The following DLGAP3 variants were observed in gnomAD, a reference collection of about 807,000 sequenced individuals.
The protein encoded by DLGAP3 is disks large-associated protein 3.
In DLGAP3, 17 loss-of-function variants were observed where a neutral mutation model predicts 81.2. The ratio of observed to expected loss-of-function variants is 0.21; its 90% CI spans 0.14 to 0.31. The LOEUF is 0.31. DLGAP3 is among the 10% of genes least tolerant of loss of function. The pLI, the probability that DLGAP3 is intolerant of heterozygous loss-of-function variation, is 1.00. For missense variants in DLGAP3, 1,124 were observed against 1,388.0 expected, an observed-to-expected ratio of 0.81 and a Z score of 3.02; for synonymous variants, 577 against 587.4, an observed-to-expected ratio of 0.98 and a Z score of 0.26.
intron 8 of DLGAP3, among the ~76,000 whole-genome samples, chr1:34,880,342 G>T (rs1305585120): frequency 6.6e-6 from 1 of 152,056 alleles, no homozygotes; most frequent in Non-Finnish European, 1.5e-5. Flanking sequence ...TGAGTTACTA[G>T]GTCTAGCCTA....
At chr1:34,896,739 C>T (rs1639386130) in intron 5 of DLGAP3, among the ~76,000 whole-genome samples, 1 of 151,986 alleles carries the variant, frequency 6.6e-6, no homozygotes, top group Admixed American at 6.6e-5. Flanking sequence ...GAATAAAATA[C>T]AATATATAAC....
Position 34,899,609 on chromosome 1 carries a change from G to A in DLGAP3, c.1386+60C>T, listed in dbSNP as rs1224370835. On this transcript the variant is annotated intron_variant, in intron 5 of 11. Coordinates refer to ENST00000373347, the MANE Select transcript of DLGAP3 (RefSeq NM_001080418.3). ...ACCCTCTGATTTTAAGTCCTAAGCT[G>A]AGCATGGGACTGAATCCCTTTTTCA... is the stretch of plus-strand genomic sequence containing the variant. The A allele has an allele frequency of 5.0e-6, 7 of 1,399,648 alleles. No individual in the cohort carries two copies. In the African/African-American group the frequency reaches 5.6e-5, roughly 11 times the overall value. 86.7% of individuals were successfully genotyped at this position (1,399,648 alleles called of 1,614,324 possible).
At chr1:34,922,557 T>TACACA (rs1557507140) in intron 1 of DLGAP3, among the ~76,000 whole-genome samples, 1 of 152,054 alleles carries the variant, frequency 6.6e-6, no homozygotes, top group Non-Finnish European at 1.5e-5. Context: ...CACACATTGG[T>TACACA]TTAATTCAGT....
At chr1:34,894,819 A>G (rs901872061) in intron 5 of DLGAP3, among the ~76,000 whole-genome samples, 1 of 152,202 alleles carries the variant, frequency 6.6e-6, no homozygotes, top group African/African-American at 2.4e-5. Context: ...AGAGCTAATA[A>G]TATAAAAAGT....
intron 1 of DLGAP3, among the ~76,000 whole-genome samples, chr1:34,917,556 A>T (rs2148418864): frequency 6.6e-6 from 1 of 151,790 alleles, no homozygotes; most frequent in East Asian, 1.9e-4. Context: ...ATGTTGCCCC[A>T]GCTGGTCTTG....
intron 1 of DLGAP3, among the ~76,000 whole-genome samples, chr1:34,922,954 G>C (rs923105370): frequency 1.3e-5 from 2 of 151,616 alleles, no homozygotes; most frequent in Non-Finnish European, 2.9e-5. Flanking sequence ...GGAAAAAATC[G>C]TCATTTTTTT....
intron 1 of DLGAP3, among the ~76,000 whole-genome samples, chr1:34,918,590 A>T (rs907735909): frequency 1.3e-5 from 2 of 152,178 alleles, no homozygotes; most frequent in Non-Finnish European, 2.9e-5. Context: ...AACAGGCCCC[A>T]GTCCGATTGG....
In DLGAP3 at chr1:34,885,783, A is replaced by T; in HGVS notation, c.1609T>A (p.Phe537Ile). Residue 537 changes from phenylalanine to isoleucine, a missense_variant, in exon 7 of 12, where the codon TTC becomes ATC. Physicochemically the swap from Phe to Ile is conservative, Grantham distance 21 (BLOSUM62 0). Around this residue, in one of 9 missense-constraint regions of DLGAP3, gnomAD observed 379 missense variants for 455.7 expected, o/e 0.83. Transcript: ENST00000373347. ...GGGATGGGGGGCGGGGCCTTTCTGA[A>T]GTTGAAGGCTGTGGCCGGCGAGCGC... ...VSGRPGSSFNFRKAPPPIPPG... is the reference protein window; with the variant it reads ...VSGRPGSSFNIRKAPPPIPPG... The T allele has an allele frequency of 7.1e-7, 1 of 1,401,790 alleles. No homozygotes were observed. The highest frequency in any genetic ancestry group is 9.2e-7 in the Non-Finnish European group (1 of 1,085,334). 86.8% of individuals were successfully genotyped at this position (1,401,790 alleles called of 1,614,324 possible). A position where few individuals can be genotyped will look rare whatever the true frequency, so the allele number is the denominator to read the frequency against.
At chr1:34,918,525 T>C (rs1347151396) in intron 1 of DLGAP3, among the ~76,000 whole-genome samples, 1 of 152,156 alleles carries the variant, frequency 6.6e-6, no homozygotes, top group Admixed American at 6.5e-5. Context: ...ACGTGGCTAA[T>C]AGGCTGAGGA....
intron 5 of DLGAP3, among the ~76,000 whole-genome samples, chr1:34,887,459 G>C (rs183669933): frequency 1.3e-3 from 192 of 152,148 alleles, no homozygotes; most frequent in African/African-American, 4.5e-3. Flanking sequence ...AATTTTGTTG[G>C]TGGAACTGTG....
chr1:34,901,659 A>G (rs1021546930), intron 3 of DLGAP3, among the ~76,000 whole-genome samples: 12 of 152,356 alleles, frequency 7.9e-5, no homozygotes, highest in South Asian at 4.1e-4. Flanking sequence ...CAATTATTAT[A>G]GGCACTGAAA....
At chr1:34,887,177 G>A (rs372401547) in intron 5 of DLGAP3, among the ~76,000 whole-genome samples, 1 of 151,724 alleles carries the variant, frequency 6.6e-6, no homozygotes, top group Non-Finnish European at 1.5e-5. Context: ...GGATGGTCTC[G>A]ATCTCCTGAC....
Position 34,928,089 on chromosome 1 carries a change from A to T in DLGAP3, c.-135+1362T>A, listed in dbSNP as rs181903862. ...GCCTGCTTCCCAAGGCTGTTGGGGA[A>T]ATAAGAAGAGTTCAGAGGGCAGCAT... On this transcript the variant is annotated intron_variant, in intron 1 of 11. Coordinates refer to ENST00000373347, the MANE Select transcript of DLGAP3 (RefSeq NM_001080418.3). Among the ~76,000 whole-genome samples the T allele has an allele frequency of 5.8e-3, 877 of 152,318 alleles. 6 individuals are homozygous for T. Among genetic ancestry groups the T allele is most frequent in the Non-Finnish European group, 8.1e-3 (550 of 68,036 alleles).
chr1:34,913,141 G>C (rs1488957832), intron 1 of DLGAP3, among the ~76,000 whole-genome samples: 1 of 152,192 alleles, frequency 6.6e-6, no homozygotes, highest in Non-Finnish European at 1.5e-5. Flanking sequence ...GAAGGAAGAA[G>C]GGGGAACAGA....
intron 1 of DLGAP3, among the ~76,000 whole-genome samples, chr1:34,918,000 A>G (rs1266049994): frequency 3.3e-5 from 5 of 152,228 alleles, no homozygotes; most frequent in Non-Finnish European, 7.3e-5. Context: ...GCCCAGGCCA[A>G]TATAGCTGAG....
At chr1:34,917,536 C>G (rs959270923) in intron 1 of DLGAP3, among the ~76,000 whole-genome samples, 2 of 151,822 alleles carry the variant, frequency 1.3e-5, no homozygotes, top group South Asian at 2.1e-4. Context: ...TTTGTAGAGA[C>G]AGTGTCACTA....
Position 34,873,923 on chromosome 1 carries a change from C to G in DLGAP3, c.2001-4834G>C, listed in dbSNP as rs1639014750. 6.6e-6 allele frequency among the ~76,000 whole-genome samples: 1 copy of G among 152,146 alleles called. No homozygotes were observed. Among genetic ancestry groups the G allele is most frequent in the Non-Finnish European group, 1.5e-5 (1 of 68,026 alleles). The stretch of plus-strand genomic sequence containing the variant: ...TCCATTTCCCCCTTAGTAACAGAAC[C>G]CCACCATTTTATGCTGGACACATGG... On this transcript the variant is annotated intron_variant, in intron 8 of 11. Coordinates refer to ENST00000373347, the MANE Select transcript of DLGAP3 (RefSeq NM_001080418.3). This position sits in a 1 kb window ranked among gnomAD's most constrained non-coding sequence, Gnocchi z 4.2.
chr1:34,884,992 C>T lies in DLGAP3; in HGVS notation c.1986G>A (p.Val662=). Residue 662 remains valine (V), a synonymous_variant, in exon 8 of 12, where the codon GTG becomes GTA. Coordinates refer to ENST00000373347, the MANE Select transcript of DLGAP3 (RefSeq NM_001080418.3). ...RREFHSIGVQ[V]EEDKRRARFK... is the part of the protein sequence containing the mutation. Reference sequence around the variant, plus strand: ...CGTGACTTTACCTCTTGTCCTCTTCCACCTGCACGCCAATAGAGTGGAACT... The same window carrying T: ...CGTGACTTTACCTCTTGTCCTCTTCTACCTGCACGCCAATAGAGTGGAACT... The T allele has an allele frequency of 1.2e-6, 2 of 1,613,414 alleles. No individual in the cohort carries two copies. Among genetic ancestry groups the T allele is most frequent in the Non-Finnish European group, 1.7e-6 (2 of 1,179,846 alleles).
chr1:34,922,898 G>C (rs1318776035), intron 1 of DLGAP3, among the ~76,000 whole-genome samples: 1 of 151,816 alleles, frequency 6.6e-6, no homozygotes, highest in Non-Finnish European at 1.5e-5. Flanking sequence ...TTATCAATGA[G>C]ATATACCCAC....
Sources: gnomAD v4.1 joint callset for allele counts (sites outside exome capture counted in the v4.1 genomes callset) on GRCh38, gnomAD v4.1.1 for gene constraint, gnomAD v4.1.1 regional missense constraint, Gnocchi (gnomAD v3.1) non-coding constraint, MANE v1.5 for transcripts, NCBI Gene and HGNC (gene_info 2026-07-23, HGNC 2026-07-21) for gene names.